The following UGT2A2 variants were observed in gnomAD, a reference collection of about 807,000 sequenced individuals.
UGT2A2 encodes UDP-glucuronosyltransferase 2A2.
A neutral mutation model predicts 50.7 loss-of-function variants in UGT2A2; 60 were observed. That is an observed-to-expected ratio of 1.18 (90% CI 0.96 to 1.47). UGT2A2 has a LOEUF of 1.47. Ranked by LOEUF, UGT2A2 falls within the 40% of genes most tolerant of loss-of-function variation. UGT2A2 has a pLI of 0.00. For synonymous variants in UGT2A2, 242 were observed against 214.6 expected, an observed-to-expected ratio of 1.13 and a Z score of -1.11; for missense variants, 762 against 634.0, an observed-to-expected ratio of 1.20 and a Z score of -2.17.
chr4:69,602,359 C>A lies in UGT2A2; in HGVS notation c.743-2965G>T, dbSNP rs7671313. ...AATAGTAAGAGCATTCTTATCAAGACGAAAAAAAGTCAGTGGTATGTACTA... is the reference window on the plus strand; with the variant it reads ...AATAGTAAGAGCATTCTTATCAAGAAGAAAAAAAGTCAGTGGTATGTACTA... On this transcript the variant is annotated intron_variant, in intron 1 of 5. Transcript: ENST00000604629. 2.6e-4 allele frequency among the ~76,000 whole-genome samples: 35 copies of A among 135,480 alleles called. 9 individuals are homozygous for A. The highest frequency in any genetic ancestry group is 2.2e-3 in the Admixed American group (30 of 13,914). The allele number at this position is 135,480 out of a possible 152,430, so 88.9% of individuals were successfully genotyped here.
intron 1 of UGT2A2, among the ~76,000 whole-genome samples, chr4:69,624,346 C>T (rs1360279921): frequency 1.3e-5 from 2 of 151,264 alleles, no homozygotes; most frequent in Non-Finnish European, 1.5e-5. Flanking sequence ...TTATTTTTCA[C>T]CTTTTTCTTT....
intron 1 of UGT2A2, among the ~76,000 whole-genome samples, chr4:69,634,544 G>A (rs189119068): frequency 2.2e-4 from 34 of 152,030 alleles, no homozygotes; most frequent in Admixed American, 6.6e-4. Context: ...GATAGAGGGG[G>A]AAGGTTAAGA....
At chr4:69,594,449 G>A in intron 5 of UGT2A2, 28 bp downstream of exon 5, 2 of 1,605,956 alleles carry the variant, frequency 1.2e-6, no homozygotes, top group Non-Finnish European at 1.7e-6. Context: ...TTAAAGTTAG[G>A]CAAGTTTTTA....
At chr4:69,597,778 T>C (rs1209960761) in intron 2 of UGT2A2, among the ~76,000 whole-genome samples, 1 of 151,970 alleles carries the variant, frequency 6.6e-6, no homozygotes, top group Non-Finnish European at 1.5e-5. Flanking sequence ...ATCATACTGA[T>C]ATGGATTTTT....
At position 69,605,116 on chromosome 4, in the gene UGT2A2, A is replaced by G. The variant is rs1236899823; in HGVS notation, c.743-5722T>C. ...TATCCACCCCAAATCAACAGAATAT[A>G]CATTCTTCTCAGCACCACACCGCAC... On this transcript the variant is annotated intron_variant, in intron 1 of 5. Transcript: ENST00000604629. Among the ~76,000 whole-genome samples the G allele has an allele frequency of 8.0e-5, 11 of 137,154 alleles. 3 individuals are homozygous for G. Among genetic ancestry groups the G allele is most frequent in the Admixed American group, 7.9e-4 (11 of 13,932 alleles). 90.0% of individuals were successfully genotyped at this position (137,154 alleles called of 152,430 possible). A position where few individuals can be genotyped will look rare whatever the true frequency, so the allele number is the denominator to read the frequency against.
intron 1 of UGT2A2, among the ~76,000 whole-genome samples, chr4:69,634,894 G>A (rs1364421157): frequency 6.6e-6 from 1 of 152,002 alleles, no homozygotes; most frequent in Non-Finnish European, 1.5e-5. Flanking sequence ...ATCTTATATT[G>A]TGCTGGAGTG....
intron 1 of UGT2A2, among the ~76,000 whole-genome samples, chr4:69,627,285 T>C (rs1721114719): frequency 6.6e-6 from 1 of 151,818 alleles, no homozygotes; most frequent in Non-Finnish European, 1.5e-5. Flanking sequence ...AAAAATCAAA[T>C]CCACTGCTTA....
chr4:69,589,434 G>T lies in UGT2A2; in HGVS notation c.1549C>A (p.Gln517Lys), dbSNP rs1718452548. 6.2e-7 allele frequency: 1 copy of T among 1,613,542 alleles called. No individual in the cohort carries two copies. The highest frequency in any genetic ancestry group is 8.5e-7 in the Non-Finnish European group (1 of 1,179,836). The change falls in exon 6 of 6, where the codon CAA becomes AAA. Residue 517 changes from glutamine to lysine, a missense_variant. Coordinates refer to ENST00000604629, the MANE Select transcript of UGT2A2 (RefSeq NM_001105677.2). ...TTTTGACAGGAAAACAAACAACATT[G>T]TATGACCAAAAATATAGCCGTTGTC... ...CVTTAIFLVI[Q>K]CCLFSCQKFG...
At chr4:69,631,899 C>T (rs1258063719) in intron 1 of UGT2A2, among the ~76,000 whole-genome samples, 1 of 152,104 alleles carries the variant, frequency 6.6e-6, no homozygotes, top group Non-Finnish European at 1.5e-5. Context: ...TTTTAGTTGG[C>T]ACTTTTGTCA....
At chr4:69,633,922 A>T (rs1018116260) in intron 1 of UGT2A2, among the ~76,000 whole-genome samples, 2 of 152,048 alleles carry the variant, frequency 1.3e-5, no homozygotes, top group African/African-American at 4.8e-5. Flanking sequence ...AAAGTTTAGG[A>T]TTTATGTTTT....
intron 1 of UGT2A2, among the ~76,000 whole-genome samples, chr4:69,627,668 G>A (rs1721165583): frequency 6.6e-6 from 1 of 151,640 alleles, no homozygotes; most frequent in Non-Finnish European, 1.5e-5. Context: ...TTCAGAAAAG[G>A]ACTGAAGAAC....
At chr4:69,613,009 T>A (rs1038534601) in intron 1 of UGT2A2, among the ~76,000 whole-genome samples, 3 of 149,344 alleles carry the variant, frequency 2.0e-5, no homozygotes, top group Non-Finnish European at 4.4e-5. Flanking sequence ...CCAGATTATA[T>A]GAAAAATTTA....
intron 1 of UGT2A2, among the ~76,000 whole-genome samples, chr4:69,603,390 C>G (rs1414401311): frequency 7.3e-6 from 1 of 136,712 alleles, no homozygotes; most frequent in Non-Finnish European, 1.6e-5. Flanking sequence ...AGTGATGGGA[C>G]AGCTCCTTAC....
chr4:69,594,889 C>A (rs149978147), intron 4 of UGT2A2, among the ~76,000 whole-genome samples, 193 bp from the exon 5 acceptor site: 2 of 152,120 alleles, frequency 1.3e-5, no homozygotes, highest in African/African-American at 2.4e-5. Context: ...ACAGCATTTG[C>A]ATTTTCTGGG....
At chr4:69,629,954 T>G (rs1181828874) in intron 1 of UGT2A2, among the ~76,000 whole-genome samples, 1 of 152,102 alleles carries the variant, frequency 6.6e-6, no homozygotes, top group African/African-American at 2.4e-5. Flanking sequence ...GAAATTTCTT[T>G]GTAAAATATT....
In UGT2A2 at chr4:69,604,148, T is replaced by C; in HGVS notation, c.743-4754A>G. Reference sequence around the variant, plus strand: ...ACCAAAGTAGAAATGAAGGAAAAAATGTTAAGGGCAGCCAGAGAGAAAGGT... The same window carrying C: ...ACCAAAGTAGAAATGAAGGAAAAAACGTTAAGGGCAGCCAGAGAGAAAGGT... On this transcript the variant is annotated intron_variant, in intron 1 of 5. Coordinates refer to ENST00000604629, the MANE Select transcript of UGT2A2 (RefSeq NM_001105677.2). Among the ~76,000 whole-genome samples the C allele has an allele frequency of 1.5e-5, 2 of 134,846 alleles. 1 individual carries two copies. 88.5% of individuals were successfully genotyped at this position (134,846 alleles called of 152,430 possible).
At chr4:69,616,833 CTTTTTTTT>C (rs4148315) in intron 1 of UGT2A2, among the ~76,000 whole-genome samples, 1 of 127,300 alleles carries the variant, frequency 7.9e-6, no homozygotes, top group Non-Finnish European at 1.6e-5. Flanking sequence ...ATTTTCTTTT[CTTTTTTTT>C]TTTTTTTTTG....
intron 1 of UGT2A2, among the ~76,000 whole-genome samples, chr4:69,637,534 G>A (rs1721779245): frequency 6.6e-6 from 1 of 152,004 alleles, no homozygotes; most frequent in Non-Finnish European, 1.5e-5. Context: ...TTCCTCCAGG[G>A]ATCTTATGGA....
intron 1 of UGT2A2, among the ~76,000 whole-genome samples, chr4:69,611,820 T>C (rs1720078096): frequency 6.6e-6 from 1 of 152,088 alleles, no homozygotes; most frequent in Admixed American, 6.6e-5. Flanking sequence ...CACAGTATGT[T>C]TTAGGGTGGG....
Sources: allele counts gnomAD v4.1 joint callset (sites outside exome capture counted in the v4.1 genomes callset), GRCh38; gene constraint gnomAD v4.1.1; transcripts MANE v1.5; gene names NCBI Gene and HGNC (gene_info 2026-07-23, HGNC 2026-07-21).